RSRC1: variants seen among roughly 807,000 people sequenced by gnomAD.
The protein encoded by RSRC1 is arginine and serine rich coiled-coil 1.
RSRC1 carries 39 observed loss-of-function variants against 49.1 expected under a neutral mutation model. The ratio of observed to expected loss-of-function variants is 0.79; its 90% confidence interval spans 0.61 to 1.04. RSRC1 has a LOEUF of 1.04. Among genes scored for constraint, RSRC1 ranks in the 50% least tolerant of loss-of-function variants. RSRC1 has a pLI of 0.00. For missense variants in RSRC1, 388 were observed against 402.4 expected, an observed-to-expected ratio of 0.96 and a Z score of 0.31; for synonymous variants, 143 against 130.8, an observed-to-expected ratio of 1.09 and a Z score of -0.63.
At chr3:158,311,570 T>G (rs73168704) in intron 5 of RSRC1, among the ~76,000 whole-genome samples, 12 of 151,772 alleles carry the variant, frequency 7.9e-5, no homozygotes, top group Admixed American at 7.9e-4. Flanking sequence ...TACTCCCCTT[T>G]TCCTCTACAC....
intron 3 of RSRC1, among the ~76,000 whole-genome samples, chr3:158,201,169 T>G (rs751796102): frequency 3.1e-4 from 47 of 152,308 alleles, no homozygotes; most frequent in Admixed American, 2.6e-3. Flanking sequence ...TGTTAAGAAT[T>G]TCATTCCACT....
intron 6 of RSRC1, among the ~76,000 whole-genome samples, chr3:158,373,696 TTC>T (rs780590849): frequency 1.4e-4 from 22 of 151,982 alleles, no homozygotes; most frequent in Non-Finnish European, 2.8e-4. Flanking sequence ...TTAGAACCAT[TTC>T]TATACATAAT....
intron 7 of RSRC1, among the ~76,000 whole-genome samples, chr3:158,481,845 A>G (rs1476992051): frequency 6.6e-6 from 1 of 151,974 alleles, no homozygotes; most frequent in Non-Finnish European, 1.5e-5. Flanking sequence ...CATTTAAATG[A>G]TAATAATGTG....
At chr3:158,387,605 C>T (rs1024243741) in intron 6 of RSRC1, among the ~76,000 whole-genome samples, 3 of 152,056 alleles carry the variant, frequency 2.0e-5, no homozygotes, top group Admixed American at 6.6e-5. Context: ...GCCTTAATAT[C>T]TTTGTTAATA....
chr3:158,308,083 A>T (rs1209337546), intron 5 of RSRC1, among the ~76,000 whole-genome samples: 2 of 151,960 alleles, frequency 1.3e-5, no homozygotes, highest in South Asian at 2.1e-4. Flanking sequence ...TGTTTGGTTG[A>T]TATGTAAAAG....
chr3:158,313,992 A>G (rs1437678742), intron 5 of RSRC1, among the ~76,000 whole-genome samples: 1 of 152,218 alleles, frequency 6.6e-6, no homozygotes, highest in Admixed American at 6.5e-5. Context: ...TCTCTAAACC[A>G]TGAAAATTGT....
chr3:158,119,577 C>A (rs1219355972), intron 1 of RSRC1, among the ~76,000 whole-genome samples: 6 of 151,760 alleles, frequency 4.0e-5, no homozygotes, highest in Non-Finnish European at 8.8e-5. Context: ...TATTATCATT[C>A]AATTGTGTAC....
intron 4 of RSRC1, among the ~76,000 whole-genome samples, chr3:158,231,833 A>C (rs566760394): frequency 2.6e-5 from 4 of 152,158 alleles, no homozygotes; most frequent in Non-Finnish European, 5.9e-5. Flanking sequence ...TTATTTCCCA[A>C]ATCATTCAAG....
rs116529504 is a variant in RSRC1, at chr3:158,199,105, G to A, written c.321-3967G>A. Among the ~76,000 whole-genome samples the A allele has an allele frequency of 9.6e-3, 1,456 of 152,226 alleles. 6 individuals are homozygous for A. The highest frequency in any genetic ancestry group is 0.015 in the Non-Finnish European group (1,029 of 68,016). ...ACGCTATTCTCATGATAGTGATTGGGTCTCATGAGATCTGAAGGTAAAAAC... is the reference window on the plus strand; with the variant it reads ...ACGCTATTCTCATGATAGTGATTGGATCTCATGAGATCTGAAGGTAAAAAC... On this transcript the variant is annotated intron_variant, in intron 3 of 9. Transcript: ENST00000611884.
chr3:158,338,851 G>A lies in RSRC1; in HGVS notation c.532-16006G>A, dbSNP rs184004299. Among the ~76,000 whole-genome samples, 9 of 152,216 alleles carry A rather than the reference G, an allele frequency of 5.9e-5. No individual in the cohort carries two copies. The East Asian group carries it at 1.7e-3, about 29-fold the overall frequency. ...CACCTTGTCAGCTTTGCCATTTAAG[G>A]TAACTTATTCTTCTCTAAAAGCATT... On this transcript the variant is annotated intron_variant, in intron 5 of 9. Coordinates refer to ENST00000611884, the MANE Select transcript of RSRC1 (RefSeq NM_001271838.2).
chr3:158,452,940 T>C (rs143934003), intron 6 of RSRC1, among the ~76,000 whole-genome samples: 1 of 152,302 alleles, frequency 6.6e-6, no homozygotes, highest in East Asian at 1.9e-4. Flanking sequence ...CTTTCTGCCC[T>C]CTTTCTATGC....
intron 5 of RSRC1, among the ~76,000 whole-genome samples, chr3:158,343,503 A>G (rs1271804804): frequency 1.3e-5 from 2 of 152,352 alleles, no homozygotes; most frequent in East Asian, 3.9e-4. Flanking sequence ...AAACTGACCC[A>G]GAATTGACAC....
Position 158,544,434 on chromosome 3 carries a change from T to C in RSRC1, c.*159T>C, listed in dbSNP as rs528190289. 8.7e-5 allele frequency: 37 copies of C among 426,100 alleles called. No individual in the cohort carries two copies. Among genetic ancestry groups the C allele is most frequent in the African/African-American group, 6.9e-4 (34 of 49,082 alleles). 26.4% of individuals were successfully genotyped at this position (426,100 alleles called of 1,614,324 possible). On this transcript the variant is annotated 3_prime_UTR_variant, in exon 10 of 10. Transcript: ENST00000611884. The stretch of plus-strand genomic sequence containing the variant: ...CTCTCATGTAGGCTTGAATATTTGT[T>C]AATTTGAATTAAATCAAACATTGTA...
chr3:158,146,427 A>C (rs1380645701), intron 3 of RSRC1, among the ~76,000 whole-genome samples: 3 of 152,190 alleles, frequency 2.0e-5, no homozygotes, highest in African/African-American at 4.8e-5. Context: ...ATGCTGGATT[A>C]CGTTTATTGA....
chr3:158,434,605 G>A (rs1011295392), intron 6 of RSRC1, among the ~76,000 whole-genome samples: 2 of 151,614 alleles, frequency 1.3e-5, no homozygotes, highest in South Asian at 2.1e-4. Flanking sequence ...TTCTTTTTGC[G>A]CCACCTAGCG....
At chr3:158,474,880 T>A (rs1249620873) in intron 7 of RSRC1, among the ~76,000 whole-genome samples, 1 of 152,070 alleles carries the variant, frequency 6.6e-6, no homozygotes, top group East Asian at 1.9e-4. Context: ...CCTTATGCTG[T>A]CCTTTCATAG....
intron 1 of RSRC1, among the ~76,000 whole-genome samples, chr3:158,118,833 G>A (rs1285002733): frequency 1.3e-5 from 2 of 152,168 alleles, no homozygotes; most frequent in Non-Finnish European, 2.9e-5. Context: ...GGGTGATTGG[G>A]TGGGGGCCTG....
chr3:158,179,906 T>G (rs1378015691), intron 3 of RSRC1, among the ~76,000 whole-genome samples: 1 of 152,180 alleles, frequency 6.6e-6, no homozygotes, highest in African/African-American at 2.4e-5. Context: ...GACATTGCTG[T>G]TTTAATGTTA....
chr3:158,362,720 T>C (rs1731545460), intron 6 of RSRC1, among the ~76,000 whole-genome samples: 1 of 152,234 alleles, frequency 6.6e-6, no homozygotes, highest in Admixed American at 6.5e-5. Flanking sequence ...TCCATCACTT[T>C]TGCTGTTGCC....
Sources: allele counts gnomAD v4.1 joint callset (sites outside exome capture counted in the v4.1 genomes callset), GRCh38; gene constraint gnomAD v4.1.1; transcripts MANE v1.5; gene names NCBI Gene and HGNC (gene_info 2026-07-23, HGNC 2026-07-21).